The following NSD2 variants were observed in gnomAD, a reference collection of about 807,000 sequenced individuals.
NSD2 encodes histone-lysine N-methyltransferase NSD2.
A neutral mutation model predicts 139.0 loss-of-function variants in NSD2; 12 were observed. The ratio of observed to expected loss-of-function variants is 0.09; its 90% CI spans 0.06 to 0.14. The LOEUF (loss-of-function observed/expected upper bound fraction) is 0.14. Ranked by LOEUF, NSD2 falls within the 10% of genes least tolerant of loss-of-function variation. The pLI is 1.00. For synonymous variants in NSD2, 669 were observed against 648.7 expected (o/e 1.03, Z -0.48); for missense variants, 1,155 against 1,745.0 (o/e 0.66, Z 6.02).
chr4:1,896,230 C>A (rs1716278229), intron 1 of NSD2, among the ~76,000 whole-genome samples: 1 of 152,246 alleles, frequency 6.6e-6, no homozygotes, highest in Admixed American at 6.5e-5. Context: ...AGGCCCAAGC[C>A]CCTGTCCTGC....
At chr4:1,913,903 T>A (rs1560627109) in intron 3 of NSD2, among the ~76,000 whole-genome samples, 1 of 152,230 alleles carries the variant, frequency 6.6e-6, no homozygotes, top group South Asian at 2.1e-4. Context: ...GTAGGGCTGA[T>A]CCCTACAGTT....
chr4:1,965,586 G>A (rs1364033488), intron 18 of NSD2, among the ~76,000 whole-genome samples: 3 of 152,194 alleles, frequency 2.0e-5, no homozygotes, highest in South Asian at 4.1e-4. Context: ...ACCGCAAGAG[G>A]AAAGCTACTC....
intron 9 of NSD2, chr4:1,946,130 TA>T: frequency 9.7e-7 from 1 of 1,028,614 alleles, no homozygotes; most frequent in Non-Finnish European, 1.2e-6. Flanking sequence ...TTTGAGATGA[TA>T]AAGCTAAATT....
intron 5 of NSD2, 66 bp from the exon 6 acceptor site, chr4:1,930,560 T>C (rs1721518801): frequency 2.0e-6 from 3 of 1,488,706 alleles, no homozygotes; most frequent in Non-Finnish European, 1.8e-6. Context: ...TTTGATTTCA[T>C]GCAAAACAAA....
At chr4:1,975,175 T>C in intron 19 of NSD2, 119 bp from the exon 20 acceptor site, 1 of 1,397,658 alleles carries the variant, frequency 7.2e-7, no homozygotes, top group Non-Finnish European at 9.9e-7. Flanking sequence ...AGGCCATGGG[T>C]CAAGCCAGTA....
chr4:1,886,998 T>C (rs577783029), intron 1 of NSD2, among the ~76,000 whole-genome samples: 9 of 148,724 alleles, frequency 6.1e-5, no homozygotes, highest in African/African-American at 2.1e-4. Flanking sequence ...CCCAATATTG[T>C]GGTGGTTTGA....
intron 9 of NSD2, chr4:1,947,535 T>A: frequency 9.5e-7 from 1 of 1,054,328 alleles, no homozygotes; most frequent in Non-Finnish European, 1.1e-6. Flanking sequence ...TAAAAATTGT[T>A]ATGAACTATA....
At position 1,951,261 on chromosome 4, in the gene NSD2, C is replaced by T. The variant is rs1076892; in HGVS notation, c.2013+58C>T. The T allele has an allele frequency of 4.1e-4, 661 of 1,607,586 alleles. 2 individuals carry two copies. The African/African-American group carries it at 7.8e-3, about 19-fold the overall frequency. On this transcript the variant is annotated intron_variant, in intron 10 of 21. Transcript: ENST00000508803. Reference sequence around the variant, plus strand: ...CTGGTGTCTGACTGGGGCCCCGGTACGCAGAGCGAATTTGTAGTGTCTTTT... The same window carrying T: ...CTGGTGTCTGACTGGGGCCCCGGTATGCAGAGCGAATTTGTAGTGTCTTTT...
At chr4:1,971,775 T>C (rs1244507434) in intron 18 of NSD2, among the ~76,000 whole-genome samples, 1 of 152,156 alleles carries the variant, frequency 6.6e-6, no homozygotes, top group Non-Finnish European at 1.5e-5. Context: ...CAAGGAGGGC[T>C]TAACAACCCT....
intron 2 of NSD2, 57 bp downstream of exon 2, chr4:1,901,308 CCCTATGAGGGCA>C: frequency 7.0e-7 from 1 of 1,433,612 alleles, no homozygotes; most frequent in South Asian, 1.4e-5. Context: ...AGCATGGCCA[CCCTATGAGGGCA>C]CCTGCACGAG....
Position 1,979,052 on chromosome 4 carries a change from C to T in NSD2, c.*143C>T, listed in dbSNP as rs979988114. ...GTACAGGCCTCCTCGGGAGGGAGCG[C>T]CTCCCCACCACTGAGCCATCCTCAG... On this transcript the variant is annotated 3_prime_UTR_variant, in exon 22 of 22. Transcript: ENST00000508803. 39 of 1,087,772 alleles carry T rather than the reference C, an allele frequency of 3.6e-5. No homozygotes were observed. The Middle Eastern group carries it at 9.3e-4, about 26-fold the overall frequency. The allele number at this position is 1,087,772 out of a possible 1,614,324, so 67.4% of individuals were successfully genotyped here.
Position 1,942,412 on chromosome 4 carries a change from T to C in NSD2, c.1881+2634T>C, listed in dbSNP as rs762458997. On this transcript the variant is annotated intron_variant, in intron 9 of 21. Transcript: ENST00000508803. This position sits in a 1 kb window ranked among gnomAD's most constrained non-coding sequence, Gnocchi z 4.0. ...CTGTACTGCACTTAGAATGATGTAA[T>C]ATTCCAGGATGCTGCTGCAGGTGGC... 3 of 1,607,766 alleles carry C rather than the reference T, an allele frequency of 1.9e-6. No individual in the cohort carries two copies. The highest frequency in any genetic ancestry group is 2.7e-5 in the African/African-American group (2 of 74,826).
At chr4:1,895,490 G>T (rs756451905) in intron 1 of NSD2, among the ~76,000 whole-genome samples, 14 of 152,030 alleles carry the variant, frequency 9.2e-5, no homozygotes, top group Admixed American at 2.6e-4. Context: ...TATATTTTTA[G>T]CTGTGCCTGG....
At chr4:1,970,331 C>A (rs1249452931) in intron 18 of NSD2, among the ~76,000 whole-genome samples, 1 of 152,204 alleles carries the variant, frequency 6.6e-6, no homozygotes, top group Non-Finnish European at 1.5e-5. Flanking sequence ...TCAGAACGAG[C>A]CAGGGGTGTC....
intron 11 of NSD2, chr4:1,953,114 G>A (rs1391781356): frequency 6.6e-7 from 1 of 1,526,516 alleles, no homozygotes; most frequent in East Asian, 2.5e-5. Flanking sequence ...GGTGAAGCTG[G>A]AGCTCAGATC....
At chr4:1,953,029 C>T (rs1442088009) in intron 11 of NSD2, 16 of 1,443,122 alleles carry the variant, frequency 1.1e-5, no homozygotes, top group Non-Finnish European at 1.2e-5. Flanking sequence ...CATAGGAGCC[C>T]CTTCTTTCAA....
chr4:1,959,959 C>G (rs761139847), intron 17 of NSD2, among the ~76,000 whole-genome samples: 1 of 152,154 alleles, frequency 6.6e-6, no homozygotes, highest in Admixed American at 6.5e-5. Flanking sequence ...ATCCTGGGCT[C>G]AAGCCATCCT....
At position 1,938,441 on chromosome 4, in the gene NSD2, T is replaced by TTTTTTTTTTTTTG. The variant is rs1722715855; in HGVS notation, c.1675-10_1675-9insTTTTTTTTTTTTG. 1 of 1,090,426 alleles carries TTTTTTTTTTTTTG rather than the reference T, an allele frequency of 9.2e-7. No individual in the cohort carries two copies. Among genetic ancestry groups the TTTTTTTTTTTTTG allele is most frequent in the Non-Finnish European group, 1.3e-6 (1 of 779,922 alleles). The allele number at this position is 1,090,426 out of a possible 1,614,324, so 67.5% of individuals were successfully genotyped here. On this transcript the variant is annotated splice_polypyrimidine_tract_variant and intron_variant, in intron 7 of 21. Coordinates refer to ENST00000508803, the MANE Select transcript of NSD2 (RefSeq NM_001042424.3). Reference sequence around the variant, plus strand: ...CTTTTTTTTTTTTTTTTTTTTTTTTTAAATAATAGAGAGACACAATCACTG... The same window carrying TTTTTTTTTTTTTG: ...CTTTTTTTTTTTTTTTTTTTTTTTTTTTTTTTTTTTTTGAAATAATAGAGAGACACAATCACTG...
rs2108931381 is a variant in NSD2, at chr4:1,948,859, A to T, written c.1882-2213A>T. On this transcript the variant is annotated intron_variant, in intron 9 of 21. Transcript: ENST00000508803. The surrounding 1 kb of genome is among the most constrained non-coding windows in gnomAD (Gnocchi z 4.5). ...GTGTTTTCTGTCTTTCTCTCCATGC[A>T]TTTTTTTTCTCATTTTTAAAGCTTT... 2 of 977,036 alleles carry T rather than the reference A, an allele frequency of 2.0e-6. No individual in the cohort carries two copies. Among genetic ancestry groups the T allele is most frequent in the African/African-American group, 1.7e-5 (1 of 57,430 alleles). The allele number at this position is 977,036 out of a possible 1,614,324, so 60.5% of individuals were successfully genotyped here.
Sources: gnomAD v4.1 joint callset for allele counts (sites outside exome capture counted in the v4.1 genomes callset) on GRCh38, gnomAD v4.1.1 for gene constraint, Gnocchi (gnomAD v3.1) non-coding constraint, MANE v1.5 for transcripts, NCBI Gene and HGNC (gene_info 2026-07-23, HGNC 2026-07-21) for gene names.